ZFAND5: variants seen among roughly 807,000 people sequenced by gnomAD.
The protein encoded by ZFAND5 is zinc finger AN1-type containing 5.
A neutral mutation model predicts 23.6 loss-of-function variants in ZFAND5; 4 were observed. The observed-to-expected ratio is 0.17, with a 90% CI of 0.08 to 0.39. The LOEUF is 0.39. Among genes scored for constraint, ZFAND5 ranks in the 10% least tolerant of loss-of-function variants. The pLI, the probability that ZFAND5 is intolerant of heterozygous loss-of-function variation, is 1.00. For synonymous variants in ZFAND5, 68 were observed against 80.6 expected, an observed-to-expected ratio of 0.84 and a Z score of 0.84; for missense variants, 161 against 253.7, an observed-to-expected ratio of 0.63 and a Z score of 2.48.
chr9:72,356,560 A>G (rs930339532), intron 6 of ZFAND5, among the ~76,000 whole-genome samples: 1 of 152,220 alleles, frequency 6.6e-6, no homozygotes, highest in Non-Finnish European at 1.5e-5. Context: ...TCCTCAAGTG[A>G]AAACAACCAT....
At chr9:72,360,372 A>T in intron 3 of ZFAND5, 151 bp from the exon 4 acceptor site, 1 of 853,622 alleles carries the variant, frequency 1.2e-6, no homozygotes, top group South Asian at 1.8e-5. Context: ...CAAACAAAAA[A>T]TATTAAAAAG....
In ZFAND5 at chr9:72,353,984, AT is replaced by A. The variant is rs1841859671; in HGVS notation, c.*1968del. On this transcript the variant is annotated 3_prime_UTR_variant, in exon 7 of 7. Transcript: ENST00000376962. ...AAGCAACAGTTGCACTCTGGTAATCATTTACCCCAGGTAAAGTCAACATGTA... is the reference window on the plus strand; with the variant it reads ...AAGCAACAGTTGCACTCTGGTAATCATTACCCCAGGTAAAGTCAACATGTA... 1 of 152,120 alleles carries A rather than the reference AT, an allele frequency of 6.6e-6. No homozygotes were observed. The highest frequency in any genetic ancestry group is 1.5e-5 in the Non-Finnish European group (1 of 68,026). The allele number at this position is 152,120 out of a possible 1,614,324, so 9.4% of individuals were successfully genotyped here. A position where few individuals can be genotyped will look rare whatever the true frequency, so the allele number is the denominator to read the frequency against.
At chr9:72,362,694 G>T (rs1842139087) in intron 2 of ZFAND5, among the ~76,000 whole-genome samples, 2 of 152,186 alleles carry the variant, frequency 1.3e-5, no homozygotes, top group South Asian at 4.1e-4. Flanking sequence ...ACCAGGACAT[G>T]AGTCTTCTAC....
chr9:72,356,137 T>A (rs1333873227), intron 6 of ZFAND5, 36 bp from the exon 7 acceptor site: 2 of 1,579,112 alleles, frequency 1.3e-6, no homozygotes, highest in African/African-American at 2.8e-5. Context: ...TTTGAGAACT[T>A]GAGGCAATTA....
intron 6 of ZFAND5, 120 bp downstream of exon 6, chr9:72,356,811 C>T (rs760377699): frequency 1.0e-5 from 13 of 1,251,472 alleles, no homozygotes; most frequent in Admixed American, 3.5e-5. Flanking sequence ...TCCTAGACTA[C>T]AGCTAGTCAG....
At chr9:72,360,560 C>T in intron 3 of ZFAND5, 68 bp downstream of exon 3, 6 of 1,600,296 alleles carry the variant, frequency 3.7e-6, no homozygotes, top group South Asian at 3.3e-5. Flanking sequence ...ATTCTCAGCC[C>T]CAATTCTTGG....
In ZFAND5 at chr9:72,364,686, T is replaced by TGA. The variant is rs1380780750; in HGVS notation, c.-147+9_-147+10insTC. The TGA allele has an allele frequency of 7.7e-6, 8 of 1,039,188 alleles. No homozygotes were observed. Among genetic ancestry groups the TGA allele is most frequent in the Non-Finnish European group, 9.7e-6 (8 of 828,382 alleles). The allele number at this position is 1,039,188 out of a possible 1,614,324, so 64.4% of individuals were successfully genotyped here. On this transcript the variant is annotated intron_variant, in intron 1 of 6. Transcript: ENST00000376962. ...AGCCCGGCTCCCACCCGCAGCCCCGTATCACTCACCCTGCAGGGTCCCAAA... is the reference window on the plus strand; with the variant it reads ...AGCCCGGCTCCCACCCGCAGCCCCGTGAATCACTCACCCTGCAGGGTCCCAAA...
chr9:72,363,098 T>TA (rs1037094095), intron 2 of ZFAND5, among the ~76,000 whole-genome samples: 2 of 152,146 alleles, frequency 1.3e-5, no homozygotes, highest in African/African-American at 4.8e-5. Context: ...AGGTTGTTGA[T>TA]AAAAAACTAA....
chr9:72,357,960 C>A (rs1260608334), intron 5 of ZFAND5, among the ~76,000 whole-genome samples: 2 of 152,164 alleles, frequency 1.3e-5, no homozygotes, highest in African/African-American at 4.8e-5. Flanking sequence ...TATCTACTTA[C>A]ATATAATTCA....
Position 72,360,308 on chromosome 9 carries a change from A to G in ZFAND5, c.152-87T>C, listed in dbSNP as rs142343865. The G allele has an allele frequency of 6.3e-4, 737 of 1,168,576 alleles. 3 individuals are homozygous for G. In the African/African-American group the frequency reaches 0.01, roughly 17 times the overall value. The allele number at this position is 1,168,576 out of a possible 1,614,324, so 72.4% of individuals were successfully genotyped here. On this transcript the variant is annotated intron_variant, in intron 3 of 6. Coordinates refer to ENST00000376962, the MANE Select transcript of ZFAND5 (RefSeq NM_001102420.3). ...GACGTAGTAATAAATACTTGCATTT[A>G]ATTAGGTTAGTGATATAAGCATTCA...
At position 72,353,730 on chromosome 9, in the gene ZFAND5, C is replaced by G. The variant is rs963547109; in HGVS notation, c.*2223G>C. On this transcript the variant is annotated 3_prime_UTR_variant, in exon 7 of 7. Coordinates refer to ENST00000376962, the MANE Select transcript of ZFAND5 (RefSeq NM_001102420.3). ...GAGGGCTCATCTTACCTTCTCTATACCACTCTTACTTCCATTTTTAACTTG... is the reference window on the plus strand; with the variant it reads ...GAGGGCTCATCTTACCTTCTCTATAGCACTCTTACTTCCATTTTTAACTTG... The G allele has an allele frequency of 3.5e-5, 2 of 56,914 alleles. No homozygotes were observed. Among genetic ancestry groups the G allele is most frequent in the African/African-American group, 9.5e-5 (2 of 21,044 alleles). 3.5% of individuals were successfully genotyped at this position (56,914 alleles called of 1,614,324 possible). A position where few individuals can be genotyped will look rare whatever the true frequency, so the allele number is the denominator to read the frequency against.
rs564317408 is a variant in ZFAND5 at position 72,353,131 on chromosome 9, G to A, written c.*2822C>T. On this transcript the variant is annotated 3_prime_UTR_variant, in exon 7 of 7. Transcript: ENST00000376962. The stretch of plus-strand genomic sequence containing the variant: ...CAGCCTAACAAAACTTCAGGTCATG[G>A]GGGTGTAAATATTTGTCTGCTTATG... 2 of 152,306 alleles carry A rather than the reference G, an allele frequency of 1.3e-5. No individual in the cohort carries two copies. The highest frequency in any genetic ancestry group is 1.3e-4 in the Admixed American group (2 of 15,298). The allele number at this position is 152,306 out of a possible 1,614,324, so 9.4% of individuals were successfully genotyped here. A position where few individuals can be genotyped will look rare whatever the true frequency, so the allele number is the denominator to read the frequency against.
rs111831441 is a variant in ZFAND5, at chr9:72,353,368, CA to C, written c.*2584del. The C allele has an allele frequency of 4.0e-4, 58 of 143,778 alleles. No individual in the cohort carries two copies. The highest frequency in any genetic ancestry group is 1.1e-3 in the African/African-American group (44 of 39,162). The allele number at this position is 143,778 out of a possible 1,614,324, so 8.9% of individuals were successfully genotyped here. ...TAATGTTTCTTGTAAAACAAACAAA[CA>C]AAAAAAAAACAAAAAAAACTGATTG... On this transcript the variant is annotated 3_prime_UTR_variant, in exon 7 of 7. Coordinates refer to ENST00000376962, the MANE Select transcript of ZFAND5 (RefSeq NM_001102420.3).
intron 3 of ZFAND5, 168 bp downstream of exon 3, chr9:72,360,459 AG>A (rs1842066927): frequency 1.1e-6 from 1 of 932,710 alleles, no homozygotes; most frequent in Non-Finnish European, 1.6e-6. Flanking sequence ...GCTTGTAGAT[AG>A]TCATTCATTC....
chr9:72,362,724 A>AT (rs1248620034), intron 2 of ZFAND5, among the ~76,000 whole-genome samples: 47 of 152,064 alleles, frequency 3.1e-4, no homozygotes, highest in Non-Finnish European at 1.3e-4. Flanking sequence ...CATCTTTTAG[A>AT]TTTTTTTCCC....
intron 1 of ZFAND5, 35 bp downstream of exon 1, chr9:72,364,661 A>G (rs1309778789): frequency 7.1e-6 from 8 of 1,122,024 alleles, no homozygotes; most frequent in South Asian, 4.9e-5. Flanking sequence ...GGCAACAAGG[A>G]GCCCGGCTCC....
intron 6 of ZFAND5, 59 bp from the exon 7 acceptor site, chr9:72,356,160 G>A (rs118060322): frequency 6.4e-7 from 1 of 1,566,326 alleles, no homozygotes; most frequent in Non-Finnish European, 8.6e-7. Context: ...AGAAAAAAAA[G>A]CCTTAGTCAC....
Position 72,351,541 on chromosome 9 carries a change from C to T in ZFAND5, c.*4412G>A, listed in dbSNP as rs1299294310. 6.7e-6 allele frequency: 1 copy of T among 149,856 alleles called. No homozygotes were observed. The highest frequency in any genetic ancestry group is 6.7e-5 in the Admixed American group (1 of 15,008). 9.3% of individuals were successfully genotyped at this position (149,856 alleles called of 1,614,324 possible). The stretch of plus-strand genomic sequence containing the variant: ...TATAAATTTAAAACCAGCACTTGTG[C>T]ATAGAAATAGCTATAAAATATTAAA... On this transcript the variant is annotated 3_prime_UTR_variant, in exon 7 of 7. Transcript: ENST00000376962.
At chr9:72,360,554 T>G in intron 3 of ZFAND5, 74 bp downstream of exon 3, 1 of 1,595,478 alleles carries the variant, frequency 6.3e-7, no homozygotes, top group Non-Finnish European at 8.5e-7. Flanking sequence ...TTCAGCATTC[T>G]CAGCCCCAAT....
Sources: allele counts gnomAD v4.1 joint callset (sites outside exome capture counted in the v4.1 genomes callset), GRCh38; gene constraint gnomAD v4.1.1; transcripts MANE v1.5; gene names NCBI Gene and HGNC (gene_info 2026-07-23, HGNC 2026-07-21).